Variants in P2RX7 observed in about 807,000 individuals in gnomAD.
The protein encoded by P2RX7 is P2X purinoceptor 7.
Under a neutral mutation model 71.6 loss-of-function variants are expected in P2RX7, and 62 were observed. The observed-to-expected ratio is 0.87, with a 90% confidence interval of 0.71 to 1.07. P2RX7 has a LOEUF of 1.07. Among genes scored for constraint, P2RX7 ranks in the 50% least tolerant of loss-of-function variants. The pLI, the probability that P2RX7 is intolerant of heterozygous loss-of-function variation, is 0.00. For synonymous variants in P2RX7, 299 were observed against 283.3 expected (o/e 1.06, Z -0.56); for missense variants, 686 against 748.5 (o/e 0.92, Z 0.97).
In P2RX7 at chr12:121,184,890, G is replaced by A. The variant is rs533357297; in HGVS notation, c.*88G>A. The A allele has an allele frequency of 2.1e-5, 23 of 1,076,774 alleles. No individual in the cohort carries two copies. The highest frequency in any genetic ancestry group is 3.0e-4 in the Middle Eastern group (1 of 3,290). The allele number at this position is 1,076,774 out of a possible 1,614,324, so 66.7% of individuals were successfully genotyped here. ...ACCTGAGGTCGGGAGTTGGAGACCC[G>A]CCTGGCTAACAAGGCGAAATCCTGT... On this transcript the variant is annotated 3_prime_UTR_variant, in exon 13 of 13. Transcript: ENST00000328963.
chr12:121,175,876 T>C (rs1883026479), intron 9 of P2RX7, among the ~76,000 whole-genome samples: 1 of 152,090 alleles, frequency 6.6e-6, no homozygotes, highest in African/African-American at 2.4e-5. Flanking sequence ...GCTACAAGCA[T>C]GGTTGGATCC....
At chr12:121,179,524 G>A (rs902019070) in intron 11 of P2RX7, among the ~76,000 whole-genome samples, 3 of 150,340 alleles carry the variant, frequency 2.0e-5, no homozygotes, top group Admixed American at 6.7e-5. Flanking sequence ...AAACAAAGAC[G>A]ATTTCTTTGT....
intron 5 of P2RX7, among the ~76,000 whole-genome samples, chr12:121,163,672 G>A (rs1326680108): frequency 1.3e-5 from 2 of 152,000 alleles, no homozygotes; most frequent in East Asian, 3.9e-4. Context: ...TGCCCAGGCT[G>A]GTTTTGAACT....
In P2RX7 at chr12:121,154,882, A is replaced by C. The variant is rs750352416; in HGVS notation, c.223A>C (p.Ile75Leu). ...VKGIAEVKEE[I>L]VENGVKKLVH... Reference sequence around the variant, plus strand: ...GGGGATAGCAGAGGTGAAAGAGGAGATCGTGGAGAATGGAGTGAAGAAGTT... The same window carrying C: ...GGGGATAGCAGAGGTGAAAGAGGAGCTCGTGGAGAATGGAGTGAAGAAGTT... The change falls in exon 2 of 13, where the codon ATC (isoleucine) becomes CTC (leucine). Residue 75 changes from isoleucine (I) to leucine (L), a missense_variant. Coordinates refer to ENST00000328963, the MANE Select transcript of P2RX7 (RefSeq NM_002562.6). This position sits in a 1 kb window ranked among gnomAD's most constrained non-coding sequence, Gnocchi z 4.2. 1 of 1,614,138 alleles carries C rather than the reference A, an allele frequency of 6.2e-7. No homozygotes were observed. Among genetic ancestry groups the C allele is most frequent in the South Asian group, 1.1e-5 (1 of 91,084 alleles).
chr12:121,177,271 G>A (rs760740502), intron 10 of P2RX7, 26 bp from the exon 11 acceptor site: 2 of 1,614,080 alleles, frequency 1.2e-6, no homozygotes, highest in Non-Finnish European at 1.7e-6. Context: ...AGTGACTAAC[G>A]CAGCGCTTGT....
chr12:121,168,304 C>T (rs1881536301), intron 8 of P2RX7, among the ~76,000 whole-genome samples: 2 of 143,290 alleles, frequency 1.4e-5, no homozygotes, highest in African/African-American at 5.7e-5. Flanking sequence ...GATGGAGTCA[C>T]ACTCTGCTTG....
At chr12:121,152,141 G>A (rs1278150391) in intron 1 of P2RX7, among the ~76,000 whole-genome samples, 4 of 151,376 alleles carry the variant, frequency 2.6e-5, no homozygotes, top group Non-Finnish European at 4.4e-5. Flanking sequence ...CACCACACCC[G>A]GCTAATTTTT....
At chr12:121,180,505 T>A in intron 12 of P2RX7, 50 bp downstream of exon 12, 1 of 929,924 alleles carries the variant, frequency 1.1e-6, no homozygotes, top group Non-Finnish European at 1.7e-6. Flanking sequence ...AATTTACTGT[T>A]AAATATAAAC....
At chr12:121,162,597 TC>T in intron 5 of P2RX7, 77 bp downstream of exon 5, 5 of 1,541,836 alleles carry the variant, frequency 3.2e-6, no homozygotes, top group Non-Finnish European at 4.4e-6. Flanking sequence ...GCTTGGGCCT[TC>T]CCCTCTCAGC....
At chr12:121,141,274 C>T (rs1229505257) in intron 1 of P2RX7, among the ~76,000 whole-genome samples, 1 of 152,222 alleles carries the variant, frequency 6.6e-6, no homozygotes, top group African/African-American at 2.4e-5. Flanking sequence ...GCTGCCTCCG[C>T]ATCTGATTTT....
intron 1 of P2RX7, among the ~76,000 whole-genome samples, chr12:121,139,979 G>A (rs570982775): frequency 1.1e-4 from 17 of 152,212 alleles, no homozygotes; most frequent in Non-Finnish European, 1.9e-4. Flanking sequence ...CGATCCGTCC[G>A]TCTTGGCTTC....
At position 121,165,474 on chromosome 12, in the gene P2RX7, A is replaced by G. The variant is rs1428962563; in HGVS notation, c.614+37A>G. On this transcript the variant is annotated intron_variant, in intron 6 of 12. Coordinates refer to ENST00000328963, the MANE Select transcript of P2RX7 (RefSeq NM_002562.6). ...GGCTGCCTGGCTGTCTTAGTTATCT[A>G]CTGCTGAGTAATAAATTATCCCAAA... is the stretch of plus-strand genomic sequence containing the variant. 9 of 1,473,838 alleles carry G rather than the reference A, an allele frequency of 6.1e-6. No homozygotes were observed. The East Asian group carries it at 1.8e-4, about 30-fold the overall frequency. 91.3% of individuals were successfully genotyped at this position (1,473,838 alleles called of 1,614,324 possible).
chr12:121,176,228 A>AACACACACAC (rs56222751), intron 9 of P2RX7, among the ~76,000 whole-genome samples: 4,824 of 140,714 alleles, frequency 0.034, 183 homozygotes, highest in African/African-American at 0.092. Flanking sequence ...CAGCCCCTTC[A>AACACACACAC]ACACACACAC....
At chr12:121,138,694 T>A (rs1437738216) in intron 1 of P2RX7, among the ~76,000 whole-genome samples, 1 of 152,250 alleles carries the variant, frequency 6.6e-6, no homozygotes. Flanking sequence ...TTTCTAAGTG[T>A]ACCTCTCTAG....
At chr12:121,179,516 A>G (rs1482797497) in intron 11 of P2RX7, among the ~76,000 whole-genome samples, 1 of 147,264 alleles carries the variant, frequency 6.8e-6, no homozygotes, top group Non-Finnish European at 1.5e-5. Flanking sequence ...AAAAAAAAAA[A>G]CAAAGACGAT....
rs1879940389 is a variant in P2RX7 at position 121,162,477 on chromosome 12, G to A, written c.490G>A (p.Val164Ile). The change falls in exon 5 of 13, where the codon GTC becomes ATC. Residue 164 changes from valine (V) to isoleucine (I), a missense_variant. By Grantham distance (29) the Val-to-Ile change is conservative (BLOSUM62 3). Coordinates refer to ENST00000328963, the MANE Select transcript of P2RX7 (RefSeq NM_002562.6). ...VYEGNQKTCE[V>I]SAWCPIEAVE... ...TGAAGGGAACCAGAAGACCTGTGAAGTCTCTGCCTGGTGCCCCATCGAGGC... is the reference window on the plus strand; with the variant it reads ...TGAAGGGAACCAGAAGACCTGTGAAATCTCTGCCTGGTGCCCCATCGAGGC... 3.7e-6 allele frequency: 6 copies of A among 1,613,874 alleles called. No individual in the cohort carries two copies. The highest frequency in any genetic ancestry group is 5.1e-6 in the Non-Finnish European group (6 of 1,180,010).
intron 8 of P2RX7, among the ~76,000 whole-genome samples, chr12:121,173,622 A>G (rs991459253): frequency 6.6e-6 from 1 of 152,254 alleles, no homozygotes; most frequent in Non-Finnish European, 1.5e-5. Context: ...TAAAGGGTAA[A>G]GAATGGTCCA....
At chr12:121,169,593 TG>T (rs1881765174) in intron 8 of P2RX7, among the ~76,000 whole-genome samples, 1 of 152,162 alleles carries the variant, frequency 6.6e-6, no homozygotes, top group South Asian at 2.1e-4. Context: ...TTTTGTTTTT[TG>T]GTCTGCATGA....
rs1246883677 is a variant in P2RX7, at chr12:121,133,333, G to A, written c.125+238G>A. On this transcript the variant is annotated intron_variant, in intron 1 of 12. Coordinates refer to ENST00000328963, the MANE Select transcript of P2RX7 (RefSeq NM_002562.6). ...TTCCTTTCTGCTCTACTTCAGGCCCGCCAGGGCGCGCAGGGCAGGGCGTGC... is the reference window on the plus strand; with the variant it reads ...TTCCTTTCTGCTCTACTTCAGGCCCACCAGGGCGCGCAGGGCAGGGCGTGC... Among the ~76,000 whole-genome samples the A allele has an allele frequency of 2.1e-4, 32 of 152,148 alleles. 2 individuals carry two copies. The highest frequency in any genetic ancestry group is 2.0e-3 in the Admixed American group (31 of 15,278).
Sources: gnomAD v4.1 joint callset for allele counts (sites outside exome capture counted in the v4.1 genomes callset) on GRCh38, gnomAD v4.1.1 for gene constraint, Gnocchi (gnomAD v3.1) non-coding constraint, MANE v1.5 for transcripts, NCBI Gene and HGNC (gene_info 2026-07-23, HGNC 2026-07-21) for gene names.